The following USP39 variants were observed in gnomAD, a reference collection of about 807,000 sequenced individuals.
USP39 encodes ubiquitin carboxyl-terminal hydrolase 39.
Under a neutral mutation model 66.4 loss-of-function variants are expected in USP39, and 38 were observed. The observed-to-expected ratio is 0.57, with a 90% CI of 0.44 to 0.75. The LOEUF is 0.75. Ranked by LOEUF, USP39 falls within the 30% of genes least tolerant of loss-of-function variation. USP39 has a pLI of 0.00. For missense variants in USP39, 608 were observed against 714.4 expected (o/e 0.85, Z 1.70); for synonymous variants, 303 against 274.6 (o/e 1.10, Z -1.02).
chr2:85,621,799 T>G (rs1674485735), intron 3 of USP39, among the ~76,000 whole-genome samples: 1 of 152,186 alleles, frequency 6.6e-6, no homozygotes, highest in African/African-American at 2.4e-5. Flanking sequence ...GACTGTAATC[T>G]TAAAGACTCT....
chr2:85,613,722 G>A (rs1673726362), upstream of USP39, among the ~76,000 whole-genome samples: 1 of 152,102 alleles, frequency 6.6e-6, no homozygotes, highest in Admixed American at 6.6e-5. Context: ...ATTTTTGTGG[G>A]GGTTCTCTGG....
At chr2:85,624,567 G>A (rs954593014) in intron 4 of USP39, among the ~76,000 whole-genome samples, 1 of 152,100 alleles carries the variant, frequency 6.6e-6, no homozygotes, top group African/African-American at 2.4e-5. Context: ...AGTTGTTCAT[G>A]CTCTGTTTAT....
chr2:85,619,710 G>T (rs185171199), intron 2 of USP39, among the ~76,000 whole-genome samples: 1 of 151,970 alleles, frequency 6.6e-6, no homozygotes. Flanking sequence ...AACCTATATT[G>T]TAGGGGAATG....
At chr2:85,618,214 C>G (rs1674145923) in intron 1 of USP39, among the ~76,000 whole-genome samples, 1 of 151,924 alleles carries the variant, frequency 6.6e-6, no homozygotes, top group Non-Finnish European at 1.5e-5. Context: ...CCTCTGCCTC[C>G]CAGAGTGCTG....
intron 10 of USP39, among the ~76,000 whole-genome samples, chr2:85,644,466 CT>C (rs1347480826): frequency 6.6e-6 from 1 of 152,148 alleles, no homozygotes; most frequent in Non-Finnish European, 1.5e-5. Flanking sequence ...CAGGGTCTCA[CT>C]GTCGCCCAGG....
intron 5 of USP39, among the ~76,000 whole-genome samples, chr2:85,628,359 A>G (rs1420497165): frequency 6.6e-6 from 1 of 151,926 alleles, no homozygotes; most frequent in East Asian, 1.9e-4. Context: ...GTTAGCCAGG[A>G]TGGTCTCGAT....
At chr2:85,627,623 CTATT>C (rs1674973171) in intron 5 of USP39, among the ~76,000 whole-genome samples, 1 of 148,234 alleles carries the variant, frequency 6.7e-6, no homozygotes, top group Admixed American at 6.8e-5. Context: ...GACCCTGTCT[CTATT>C]TAAAAAAAAA....
intron 6 of USP39, among the ~76,000 whole-genome samples, chr2:85,634,391 TAGTG>T (rs1347029272): frequency 2.6e-5 from 4 of 151,918 alleles, no homozygotes; most frequent in Admixed American, 2.6e-4. Flanking sequence ...TTGAGGAACA[TAGTG>T]AGACTCCCTC....
Position 85,616,453 on chromosome 2 carries a change from G to GGAGGTGC in USP39, c.267_268+5dup. ...TCGATGAGGACTCGGAGCCTGAGCGGGAGGTGCGAGGTGCGCGGGGCCGGG... is the reference window on the plus strand; with the variant it reads ...TCGATGAGGACTCGGAGCCTGAGCGGGAGGTGCGAGGTGCGAGGTGCGCGGGGCCGGG... On this transcript the variant is annotated frameshift_variant, in exon 1 of 13. Coordinates refer to ENST00000323701, the MANE Select transcript of USP39 (RefSeq NM_006590.4). LOFTEE classifies it high-confidence loss of function. 28 of 1,549,278 alleles carry GGAGGTGC rather than the reference G, an allele frequency of 1.8e-5. No homozygotes were observed. The African/African-American group carries it at 2.5e-4, about 14-fold the overall frequency.
intron 6 of USP39, 55 bp downstream of exon 6, chr2:85,631,001 T>G (rs562508031): frequency 1.8e-4 from 277 of 1,560,924 alleles, no homozygotes; most frequent in Non-Finnish European, 2.2e-4. Context: ...ATGAACAAAT[T>G]TATTTCCACT....
chr2:85,615,373 G>A (rs540609986), upstream of USP39, among the ~76,000 whole-genome samples: 3 of 152,274 alleles, frequency 2.0e-5, no homozygotes, highest in Admixed American at 6.5e-5. Flanking sequence ...TACCTCAATG[G>A]AACGGTTCAA....
chr2:85,642,818 T>C (rs1352161061), intron 10 of USP39, among the ~76,000 whole-genome samples: 1 of 152,200 alleles, frequency 6.6e-6, no homozygotes, highest in African/African-American at 2.4e-5. Context: ...ATCAGACTTA[T>C]GGTGATTAGG....
At chr2:85,613,953 G>GT (rs1558843223), upstream of USP39, among the ~76,000 whole-genome samples, 1 of 143,446 alleles carries the variant, frequency 7.0e-6, no homozygotes, top group African/African-American at 2.7e-5. Context: ...TTGTGGAGAT[G>GT]GGGGGGGTCT....
chr2:85,622,092 T>A (rs1428278830), intron 3 of USP39, among the ~76,000 whole-genome samples: 2 of 151,992 alleles, frequency 1.3e-5, no homozygotes, highest in Non-Finnish European at 2.9e-5. Flanking sequence ...AGTGCTGGGA[T>A]TACAGGCGTG....
At chr2:85,606,804 T>TG (rs1673230437) in intron 1 of USP39, 1 of 150,664 alleles carries the variant, frequency 6.6e-6, no homozygotes, top group Non-Finnish European at 1.5e-5. Context: ...TTTTTTGAGA[T>TG]GGAGTCTCGC....
At chr2:85,632,427 C>G (rs1675424104) in intron 6 of USP39, among the ~76,000 whole-genome samples, 1 of 149,718 alleles carries the variant, frequency 6.7e-6, no homozygotes. Flanking sequence ...CTTTAAAAAT[C>G]AATAAGCAAA....
Position 85,648,935 on chromosome 2 carries a change from G to GTGTAGCCAGAAC in USP39, c.*127_*128insTGTAGCCAGAAC. The GTGTAGCCAGAAC allele has an allele frequency of 4.6e-6, 5 of 1,087,966 alleles. No individual in the cohort carries two copies. The highest frequency in any genetic ancestry group is 6.8e-6 in the Non-Finnish European group (5 of 732,948). The allele number at this position is 1,087,966 out of a possible 1,614,324, so 67.4% of individuals were successfully genotyped here. On this transcript the variant is annotated 3_prime_UTR_variant, in exon 13 of 13. Coordinates refer to ENST00000323701, the MANE Select transcript of USP39 (RefSeq NM_006590.4). Reference sequence around the variant, plus strand: ...GCCAGCCCAGCTTGTATGGGTTCTGGCTACACCAGAGCACCAAGAGCCCAC... The same window carrying GTGTAGCCAGAAC: ...GCCAGCCCAGCTTGTATGGGTTCTGGTGTAGCCAGAACCTACACCAGAGCACCAAGAGCCCAC...
At position 85,639,273 on chromosome 2, in the gene USP39, T is replaced by C. The variant is rs374156240; in HGVS notation, c.1166T>C (p.Met389Thr). 3 of 1,614,066 alleles carry C rather than the reference T, an allele frequency of 1.9e-6. No homozygotes were observed. Among genetic ancestry groups the C allele is most frequent in the East Asian group, 2.2e-5 (1 of 44,874 alleles). Residue 389 changes from methionine to threonine, a missense_variant, in exon 9 of 13, where the codon ATG becomes ACG. By Grantham distance (81) the Met-to-Thr change is moderately conservative. This residue lies in a region of USP39 where 164 missense variants were observed against 250.3 expected (regional missense o/e 0.66). Coordinates refer to ENST00000323701, the MANE Select transcript of USP39 (RefSeq NM_006590.4). ...YQETMVESTF[M>T]YLTLDLPTAP... is the part of the protein sequence containing the mutation. ...GAGACAATGGTGGAGTCCACTTTTA[T>C]GTACCTGACGCTGGACCTTCCTACT...
At chr2:85,648,543 A>G (rs1196440962) in intron 12 of USP39, among the ~76,000 whole-genome samples, 2 of 152,202 alleles carry the variant, frequency 1.3e-5, no homozygotes, top group African/African-American at 4.8e-5. Flanking sequence ...TTGAGACAAA[A>G]GCCATAGCTT....
Sources: allele counts gnomAD v4.1 joint callset (sites outside exome capture counted in the v4.1 genomes callset), GRCh38; gene constraint gnomAD v4.1.1; regional missense constraint gnomAD v4.1.1; transcripts MANE v1.5; gene names NCBI Gene and HGNC (gene_info 2026-07-23, HGNC 2026-07-21).